KALRN: variants seen among roughly 807,000 people sequenced by gnomAD.
KALRN encodes the protein kalirin RhoGEF kinase, also known as kalirin.
Under a neutral mutation model 353.7 loss-of-function variants are expected in KALRN, and 70 were observed. The ratio of observed to expected loss-of-function variants is 0.20; its 90% CI spans 0.16 to 0.24. The LOEUF (loss-of-function observed/expected upper bound fraction) is 0.24. KALRN is among the 10% of genes least tolerant of loss of function. The pLI, the probability that KALRN is intolerant of heterozygous loss-of-function variation, is 1.00. For synonymous variants in KALRN, 1,391 were observed against 1,434.8 expected, an observed-to-expected ratio of 0.97 and a Z score of 0.69; for missense variants, 2,791 against 3,756.7, an observed-to-expected ratio of 0.74 and a Z score of 6.72.
At chr3:124,102,395 C>G (rs1299682063) in intron 1 of KALRN, among the ~76,000 whole-genome samples, 1 of 152,146 alleles carries the variant, frequency 6.6e-6, no homozygotes, top group Admixed American at 6.6e-5. Context: ...ACATTCTTTT[C>G]CCTCCCAACC....
chr3:124,656,014 C>T (rs981219011), intron 39 of KALRN, among the ~76,000 whole-genome samples: 2 of 152,104 alleles, frequency 1.3e-5, no homozygotes, highest in Non-Finnish European at 2.9e-5. Flanking sequence ...GAGCTATGAG[C>T]CACATAGGCA....
At chr3:124,064,591 G>A (rs2042208953) in intron 1 of KALRN, among the ~76,000 whole-genome samples, 1 of 152,164 alleles carries the variant, frequency 6.6e-6, no homozygotes, top group Non-Finnish European at 1.5e-5. Flanking sequence ...CGCACACACT[G>A]CCCACCTAGG....
At chr3:124,529,960 A>C (rs556837476) in intron 33 of KALRN, among the ~76,000 whole-genome samples, 1 of 152,200 alleles carries the variant, frequency 6.6e-6, no homozygotes, top group African/African-American at 2.4e-5. Context: ...GAAAGACTGA[A>C]GTCTCAAAGA....
At chr3:124,316,866 A>G (rs561430547) in intron 6 of KALRN, among the ~76,000 whole-genome samples, 2 of 152,364 alleles carry the variant, frequency 1.3e-5, no homozygotes, top group Admixed American at 1.3e-4. Context: ...GAATAAACAT[A>G]TAGGATGACA....
At chr3:124,160,380 A>C (rs2069727258) in intron 1 of KALRN, among the ~76,000 whole-genome samples, 1 of 152,030 alleles carries the variant, frequency 6.6e-6, no homozygotes, top group Admixed American at 6.6e-5. Context: ...TGAAGAAGGA[A>C]TCTGGTTAGA....
chr3:124,138,350 C>A (rs1044500168), intron 1 of KALRN, among the ~76,000 whole-genome samples: 1 of 152,206 alleles, frequency 6.6e-6, no homozygotes, highest in Non-Finnish European at 1.5e-5. Flanking sequence ...GGAGGGGAGG[C>A]TCTCTGTGCT....
At chr3:124,307,712 A>G (rs2077843410) in intron 6 of KALRN, among the ~76,000 whole-genome samples, 1 of 152,010 alleles carries the variant, frequency 6.6e-6, no homozygotes, top group Non-Finnish European at 1.5e-5. Context: ...GTACAGGGTT[A>G]TAGAAGTATA....
Position 124,269,060 on chromosome 3 carries a change from C to A in KALRN, c.774C>A (p.Ile258=). ...AGGGGCAGCGGCTGCTGCAGTGCATCCGCTGCAGCGACGGCTTCTCAGGAC... is the reference window on the plus strand; with the variant it reads ...AGGGGCAGCGGCTGCTGCAGTGCATACGCTGCAGCGACGGCTTCTCAGGAC... ...DREGQRLLQC[I]RCSDGFSGRN... is the part of the protein sequence containing the mutation. The change falls in exon 5 of 60, where the codon ATC becomes ATA. Residue 258 remains isoleucine (I), a synonymous_variant. Transcript: ENST00000682506. 3 of 1,612,554 alleles carry A rather than the reference C, an allele frequency of 1.9e-6. No homozygotes were observed. Among genetic ancestry groups the A allele is most frequent in the Non-Finnish European group, 2.5e-6 (3 of 1,179,476 alleles).
chr3:124,293,119 A>G (rs977499723), intron 5 of KALRN, among the ~76,000 whole-genome samples: 2 of 152,234 alleles, frequency 1.3e-5, no homozygotes, highest in African/African-American at 4.8e-5. Context: ...CTAGGGCACA[A>G]GCTTTTATGG....
chr3:124,317,572 G>A (rs893131700), intron 6 of KALRN, among the ~76,000 whole-genome samples: 2 of 152,110 alleles, frequency 1.3e-5, no homozygotes, highest in Non-Finnish European at 2.9e-5. Context: ...AAACATTAAT[G>A]TGCATACCTA....
At position 124,660,840 on chromosome 3, in the gene KALRN, G is replaced by GT. The variant is rs1489928490; in HGVS notation, c.6217-82dup. The GT allele has an allele frequency of 3.1e-6, 3 of 955,612 alleles. No homozygotes were observed. The Admixed American group carries it at 5.1e-5, about 16-fold the overall frequency. The allele number at this position is 955,612 out of a possible 1,614,324, so 59.2% of individuals were successfully genotyped here. ...GAAGGAAAGTCTCCAGGGTGTTATT[G>GT]TATTTTTATGATAAGTTTTTTCCCA... On this transcript the variant is annotated intron_variant, in intron 43 of 59. Transcript: ENST00000682506.
chr3:124,539,796 A>G (rs955038083), intron 33 of KALRN, among the ~76,000 whole-genome samples: 3 of 151,808 alleles, frequency 2.0e-5, no homozygotes, highest in Middle Eastern at 3.2e-3. Context: ...GTCTCATTCT[A>G]TTGCCCAGGC....
At chr3:124,444,255 C>T (rs577271915) in intron 19 of KALRN, among the ~76,000 whole-genome samples, 6 of 152,170 alleles carry the variant, frequency 3.9e-5, no homozygotes, top group African/African-American at 1.2e-4. Flanking sequence ...GGACCTGGGT[C>T]GAAGGGGCAG....
chr3:124,522,968 G>A (rs1470446006), intron 33 of KALRN, among the ~76,000 whole-genome samples: 2 of 152,188 alleles, frequency 1.3e-5, no homozygotes, highest in African/African-American at 4.8e-5. Flanking sequence ...CTGAAAGGAG[G>A]TGCCAACAGT....
At chr3:124,514,616 C>T (rs2066334354) in intron 33 of KALRN, among the ~76,000 whole-genome samples, 2 of 152,064 alleles carry the variant, frequency 1.3e-5, no homozygotes, top group Admixed American at 1.3e-4. Flanking sequence ...AAACGTCACT[C>T]CAAGAGGTTG....
At chr3:124,568,113 G>A (rs752487870) in intron 34 of KALRN, among the ~76,000 whole-genome samples, 6 of 152,290 alleles carry the variant, frequency 3.9e-5, no homozygotes, top group South Asian at 2.1e-4. Flanking sequence ...AAGGTTGAGG[G>A]TTAATGTCCA....
At chr3:124,191,764 A>G (rs959988687) in intron 1 of KALRN, among the ~76,000 whole-genome samples, 3 of 152,160 alleles carry the variant, frequency 2.0e-5, no homozygotes, top group African/African-American at 7.2e-5. Flanking sequence ...AGGCTTTTCC[A>G]AATGTGAATG....
chr3:124,307,525 T>G lies in KALRN; in HGVS notation c.1092+8612T>G, dbSNP rs1295867876. On this transcript the variant is annotated intron_variant, in intron 6 of 59. Transcript: ENST00000682506. ...GAATAAAGCTCTATAGGAGTAATAT[T>G]TTTATGTCTCACTGGAATTAAGTTA... Among the ~76,000 whole-genome samples the G allele has an allele frequency of 2.0e-5, 3 of 151,578 alleles. No individual in the cohort carries two copies. The East Asian group carries it at 5.8e-4, about 29-fold the overall frequency.
intron 1 of KALRN, among the ~76,000 whole-genome samples, chr3:124,063,376 G>C (rs958928176): frequency 6.6e-6 from 1 of 152,140 alleles, no homozygotes; most frequent in East Asian, 1.9e-4. Flanking sequence ...TGCAGGACAG[G>C]GGAAACACTG....
Sources: gnomAD v4.1 joint callset for allele counts (sites outside exome capture counted in the v4.1 genomes callset) on GRCh38, gnomAD v4.1.1 for gene constraint, MANE v1.5 for transcripts, NCBI Gene and HGNC (gene_info 2026-07-23, HGNC 2026-07-21) for gene names.